DNAJC15: variants seen among roughly 807,000 people sequenced by gnomAD.
DNAJC15 encodes the protein DnaJ heat shock protein family (Hsp40) member C15, also known as dnaJ homolog subfamily C member 15.
Under a neutral mutation model 22.4 loss-of-function variants are expected in DNAJC15, and 27 were observed. The ratio of observed to expected loss-of-function variants is 1.20; its 90% CI spans 0.89 to 1.66. The LOEUF is 1.66. Ranked by LOEUF, DNAJC15 falls within the 40% of genes most tolerant of loss-of-function variation. The pLI is 0.00. For missense variants in DNAJC15, 208 were observed against 187.1 expected (o/e 1.11, Z -0.65); for synonymous variants, 79 against 63.2 (o/e 1.25, Z -1.19).
chr13:43,078,535 C>A, intron 3 of DNAJC15, 77 bp from the exon 4 acceptor site: 1 of 1,139,254 alleles, frequency 8.8e-7, no homozygotes, highest in Non-Finnish European at 1.3e-6. Flanking sequence ...ACTCTCACTG[C>A]AGCTACATGA....
At chr13:43,095,783 A>G (rs2040736859) in intron 5 of DNAJC15, among the ~76,000 whole-genome samples, 1 of 152,210 alleles carries the variant, frequency 6.6e-6, no homozygotes, top group Non-Finnish European at 1.5e-5. Flanking sequence ...CCATTAAAAT[A>G]AGGATAGAGA....
intron 1 of DNAJC15, among the ~76,000 whole-genome samples, chr13:43,025,632 CG>C (rs2040377162): frequency 6.6e-6 from 1 of 152,168 alleles, no homozygotes; most frequent in Non-Finnish European, 1.5e-5. Flanking sequence ...AGGCTGCGAG[CG>C]GTGTCTCGCT....
At chr13:43,042,552 CA>C (rs1385433915) in intron 1 of DNAJC15, among the ~76,000 whole-genome samples, 1 of 152,098 alleles carries the variant, frequency 6.6e-6, no homozygotes, top group Non-Finnish European at 1.5e-5. Context: ...CTCCAGCTCC[CA>C]AACTGAAAGC....
intron 5 of DNAJC15, among the ~76,000 whole-genome samples, chr13:43,104,294 G>A (rs1486823651): frequency 6.6e-6 from 1 of 152,052 alleles, no homozygotes; most frequent in Non-Finnish European, 1.5e-5. Context: ...TATATATCTG[G>A]AATAGTATTA....
At chr13:43,095,464 T>C (rs1464384305) in intron 5 of DNAJC15, among the ~76,000 whole-genome samples, 2 of 152,070 alleles carry the variant, frequency 1.3e-5, no homozygotes, top group Admixed American at 6.6e-5. Flanking sequence ...AAATAGAGAA[T>C]AGGAATTGAA....
intron 1 of DNAJC15, among the ~76,000 whole-genome samples, chr13:43,062,790 C>A (rs1181180137): frequency 6.6e-6 from 1 of 152,036 alleles, no homozygotes. Context: ...GCAGTCTTGG[C>A]TCACTGCACC....
intron 1 of DNAJC15, among the ~76,000 whole-genome samples, chr13:43,029,744 T>G (rs922189997): frequency 6.6e-6 from 1 of 152,206 alleles, no homozygotes; most frequent in Non-Finnish European, 1.5e-5. Flanking sequence ...TCTGCTGGCA[T>G]TATTTAAATA....
rs143393120 is a variant in DNAJC15, at chr13:43,053,759, A to C, written c.109-11927A>C. Among the ~76,000 whole-genome samples the C allele has an allele frequency of 6.7e-3, 1,027 of 152,298 alleles. 12 individuals are homozygous for C. The highest frequency in any genetic ancestry group is 0.023 in the African/African-American group (960 of 41,552). ...GCAGAGCTACTGATTTGTGTACATT[A>C]ATTTTGTATCCTGAAACTTTGCTGA... On this transcript the variant is annotated intron_variant, in intron 1 of 5. Coordinates refer to ENST00000379221, the MANE Select transcript of DNAJC15 (RefSeq NM_013238.3).
Position 43,104,660 on chromosome 13 carries a change from A to AT in DNAJC15, c.383-2510dup, listed in dbSNP as rs60760673. 1.5e-4 allele frequency among the ~76,000 whole-genome samples: 22 copies of AT among 148,150 alleles called. No individual in the cohort carries two copies. In the East Asian group the frequency reaches 1.8e-3, roughly 12 times the overall value. The stretch of plus-strand genomic sequence containing the variant: ...AAACTGAGAGGGGTTGAAGAGTGTT[A>AT]TTTTTTTTGTTCTTTTTCTTTTCTT... On this transcript the variant is annotated intron_variant, in intron 5 of 5. Transcript: ENST00000379221.
intron 5 of DNAJC15, among the ~76,000 whole-genome samples, chr13:43,092,451 T>TA (rs1364722765): frequency 6.6e-6 from 1 of 152,066 alleles, no homozygotes; most frequent in Non-Finnish European, 1.5e-5. Context: ...TCAGTCCTTT[T>TA]ACATTTAATG....
At chr13:43,053,481 A>G (rs972546844) in intron 1 of DNAJC15, among the ~76,000 whole-genome samples, 22 of 152,254 alleles carry the variant, frequency 1.4e-4, no homozygotes, top group Admixed American at 1.4e-3. Flanking sequence ...TTGAGTTTGT[A>G]GATTGCTTTT....
At chr13:43,094,958 T>C (rs78309939) in intron 5 of DNAJC15, among the ~76,000 whole-genome samples, 2,054 of 152,328 alleles carry the variant, frequency 0.013, 44 homozygotes, top group African/African-American at 0.044. Flanking sequence ...AGCCATAGTT[T>C]TCTTAGAAGT....
intron 3 of DNAJC15, among the ~76,000 whole-genome samples, chr13:43,074,407 A>G (rs556055922): frequency 2.6e-5 from 4 of 152,338 alleles, no homozygotes; most frequent in African/African-American, 9.6e-5. Context: ...TGTAAGGTCC[A>G]GGATGTGTTT....
At chr13:43,068,817 T>C in intron 2 of DNAJC15, 113 bp from the exon 3 acceptor site, 1 of 841,616 alleles carries the variant, frequency 1.2e-6, no homozygotes. Flanking sequence ...TTTGAAATAC[T>C]TATTGCAATA....
chr13:43,084,850 CTA>C (rs144818684), intron 4 of DNAJC15, among the ~76,000 whole-genome samples: 2,925 of 152,164 alleles, frequency 0.019, 74 homozygotes, highest in South Asian at 0.11. Context: ...AGCTAAATAA[CTA>C]TGAGACATAA....
intron 2 of DNAJC15, among the ~76,000 whole-genome samples, chr13:43,068,627 T>G (rs1373592034): frequency 6.6e-6 from 1 of 152,104 alleles, no homozygotes; most frequent in African/African-American, 2.4e-5. Flanking sequence ...ATGTTATTTT[T>G]TTTGTGACCT....
intron 1 of DNAJC15, among the ~76,000 whole-genome samples, chr13:43,043,219 C>G (rs2040461728): frequency 6.6e-6 from 1 of 152,090 alleles, no homozygotes; most frequent in Non-Finnish European, 1.5e-5. Flanking sequence ...GCGAGTCTCC[C>G]CCCTCAGCCT....
chr13:43,072,581 AT>A (rs140917513), intron 3 of DNAJC15, among the ~76,000 whole-genome samples: 3,171 of 136,522 alleles, frequency 0.023, 38 homozygotes, highest in East Asian at 0.059. Context: ...TCACATCAGC[AT>A]TTTTTTTTTT....
At position 43,063,314 on chromosome 13, in the gene DNAJC15, T is replaced by C. The variant is rs139101681; in HGVS notation, c.109-2372T>C. 4.9e-3 allele frequency among the ~76,000 whole-genome samples: 745 copies of C among 152,350 alleles called. 19 individuals are homozygous for C. The highest frequency in any genetic ancestry group is 0.04 in the Admixed American group (614 of 15,298). On this transcript the variant is annotated intron_variant, in intron 1 of 5. Coordinates refer to ENST00000379221, the MANE Select transcript of DNAJC15 (RefSeq NM_013238.3). The stretch of plus-strand genomic sequence containing the variant: ...CGTGAGCCACCGCGTCCAGCTTTTA[T>C]TGATAGTATTAAAAGCAGTTCACAT...
Sources: allele counts gnomAD v4.1 joint callset (sites outside exome capture counted in the v4.1 genomes callset), GRCh38; gene constraint gnomAD v4.1.1; transcripts MANE v1.5; gene names NCBI Gene and HGNC (gene_info 2026-07-23, HGNC 2026-07-21).